Variants in PCDHGB5 observed in about 807,000 individuals in gnomAD.
The protein encoded by PCDHGB5 is protocadherin gamma-B5.
A neutral mutation model predicts 62.9 loss-of-function variants in PCDHGB5; 48 were observed. That is an observed-to-expected ratio of 0.76 (90% CI 0.61 to 0.97). The LOEUF (loss-of-function observed/expected upper bound fraction) is 0.97. Among genes scored for constraint, PCDHGB5 ranks in the 50% least tolerant of loss-of-function variants. PCDHGB5 has a pLI of 0.00. For missense variants in PCDHGB5, 1,118 were observed against 1,198.6 expected (o/e 0.93, Z 0.99); for synonymous variants, 474 against 511.2 (o/e 0.93, Z 0.98).
At chr5:141,427,276 T>G (rs1281222927) in intron 1 of PCDHGB5, 1 of 456,754 alleles carries the variant, frequency 2.2e-6, no homozygotes, top group Non-Finnish European at 4.4e-6. Context: ...GAATGTAAAA[T>G]TATACTAGAA....
Position 141,423,752 on chromosome 5 carries a change from G to A in PCDHGB5, c.2397+23228G>A, listed in dbSNP as rs749899386. 4.7e-6 allele frequency: 3 copies of A among 644,956 alleles called. 1 individual carries two copies. The highest frequency in any genetic ancestry group is 1.1e-4 in the South Asian group (2 of 17,914). 40.0% of individuals were successfully genotyped at this position (644,956 alleles called of 1,614,324 possible). ...TTGAGCCTGTTATGAAAACTGTTTGGGGGGGGGGTGGGGCGGCATATATTT... is the reference window on the plus strand; with the variant it reads ...TTGAGCCTGTTATGAAAACTGTTTGAGGGGGGGGTGGGGCGGCATATATTT... On this transcript the variant is annotated intron_variant, in intron 1 of 3. Transcript: ENST00000617380.
At chr5:141,497,478 C>A (rs974494984) in intron 2 of PCDHGB5, among the ~76,000 whole-genome samples, 1 of 150,954 alleles carries the variant, frequency 6.6e-6, no homozygotes, top group African/African-American at 2.4e-5. Flanking sequence ...GGAGAAGGTG[C>A]GGAACCTCTC....
intron 1 of PCDHGB5, among the ~76,000 whole-genome samples, chr5:141,446,664 G>A (rs116573282): frequency 0.012 from 1,821 of 152,192 alleles, 38 homozygotes; most frequent in African/African-American, 0.042. Context: ...TTTAGTACAA[G>A]ACAGCATTTC....
chr5:141,464,572 A>G (rs912710973), intron 1 of PCDHGB5, among the ~76,000 whole-genome samples: 5 of 152,148 alleles, frequency 3.3e-5, no homozygotes, highest in African/African-American at 1.2e-4. Flanking sequence ...CTACAAATAG[A>G]TGAGAATGTC....
At chr5:141,411,341 G>A (rs903980826) in intron 1 of PCDHGB5, 4 of 152,064 alleles carry the variant, frequency 2.6e-5, no homozygotes, top group Admixed American at 6.5e-5. Context: ...AGGCTGAATC[G>A]GAAAGTATCA....
rs1193620622 is a variant in PCDHGB5, at chr5:141,512,906, G to A, written c.*1733G>A. On this transcript the variant is annotated 3_prime_UTR_variant, in exon 4 of 4. Coordinates refer to ENST00000617380, the MANE Select transcript of PCDHGB5 (RefSeq NM_018925.3). ...CACCCTCTTCCTGTGTCTCACGCAA[G>A]TTTTATACTCTAATATTTATATGGC... 2.0e-5 allele frequency: 3 copies of A among 152,206 alleles called. No homozygotes were observed. Among genetic ancestry groups the A allele is most frequent in the African/African-American group, 7.2e-5 (3 of 41,438 alleles). The allele number at this position is 152,206 out of a possible 1,614,324, so 9.4% of individuals were successfully genotyped here.
intron 1 of PCDHGB5, chr5:141,422,547 G>C: frequency 1.9e-6 from 3 of 1,613,938 alleles, no homozygotes; most frequent in Non-Finnish European, 2.5e-6. Context: ...CTCATGTCTG[G>C]CTGAATGTGG....
At chr5:141,458,870 C>G (rs540373442) in intron 1 of PCDHGB5, among the ~76,000 whole-genome samples, 1 of 152,264 alleles carries the variant, frequency 6.6e-6, no homozygotes, top group South Asian at 2.1e-4. Flanking sequence ...GTAGCTGGGA[C>G]TACAGGCATG....
rs143737031 is a variant in PCDHGB5 at position 141,454,359 on chromosome 5, G to C, written c.2398-40448G>C. Among the ~76,000 whole-genome samples, 105 of 152,200 alleles carry C rather than the reference G, an allele frequency of 6.9e-4. No individual in the cohort carries two copies. In the East Asian group the frequency reaches 0.014, roughly 20 times the overall value. ...AATGTTGGAAGTTGATCCAAACTTA[G>C]AAAGGAGTATGGCAACTTGTCAAGA... On this transcript the variant is annotated intron_variant, in intron 1 of 3. Coordinates refer to ENST00000617380, the MANE Select transcript of PCDHGB5 (RefSeq NM_018925.3).
chr5:141,407,971 G>A, intron 1 of PCDHGB5: 2 of 717,762 alleles, frequency 2.8e-6, no homozygotes, highest in South Asian at 2.3e-5. Flanking sequence ...AAGCGCTGAC[G>A]CCGGGGATCC....
chr5:141,501,182 C>A (rs531641143), intron 2 of PCDHGB5, among the ~76,000 whole-genome samples: 1 of 152,126 alleles, frequency 6.6e-6, no homozygotes, highest in Non-Finnish European at 1.5e-5. Context: ...TACATTTTAA[C>A]ACAATTAAAT....
intron 1 of PCDHGB5, among the ~76,000 whole-genome samples, chr5:141,469,909 C>G (rs760329158): frequency 2.0e-5 from 3 of 152,120 alleles, no homozygotes; most frequent in Non-Finnish European, 2.9e-5. Context: ...GGCAGGCAGA[C>G]CACCCGAGGT....
At chr5:141,421,651 A>C in intron 1 of PCDHGB5, 1 of 1,613,868 alleles carries the variant, frequency 6.2e-7, no homozygotes, top group Non-Finnish European at 8.5e-7. Flanking sequence ...AGTGGAGATA[A>C]AAGTCAGTGA....
chr5:141,491,964 C>T lies in PCDHGB5; in HGVS notation c.2398-2843C>T, dbSNP rs1382490003. 2.1e-6 allele frequency: 2 copies of T among 943,836 alleles called. No individual in the cohort carries two copies. The highest frequency in any genetic ancestry group is 3.0e-6 in the Non-Finnish European group (2 of 671,104). 58.5% of individuals were successfully genotyped at this position (943,836 alleles called of 1,614,324 possible). On this transcript the variant is annotated intron_variant, in intron 1 of 3. Transcript: ENST00000617380. The surrounding 1 kb of genome is among the most constrained non-coding windows in gnomAD (Gnocchi z 6.9). ...CCCCACCCCTACACTCAAAAAAGGC[C>T]GGGGCCTCCTTCGAGCTTCCGGTGA...
Position 141,491,900 on chromosome 5 carries a change from G to C in PCDHGB5, c.2398-2907G>C. ...TAAGGGATGGGGCTCCGAGCACCGG[G>C]GGTGGTGGCGACTGTGGGCGAGGGG... On this transcript the variant is annotated intron_variant, in intron 1 of 3. Transcript: ENST00000617380. This position sits in a 1 kb window ranked among gnomAD's most constrained non-coding sequence, Gnocchi z 6.9. 1 of 1,429,936 alleles carries C rather than the reference G, an allele frequency of 7.0e-7. No homozygotes were observed. Among genetic ancestry groups the C allele is most frequent in the South Asian group, 1.5e-5 (1 of 67,072 alleles). 88.6% of individuals were successfully genotyped at this position (1,429,936 alleles called of 1,614,324 possible). A position where few individuals can be genotyped will look rare whatever the true frequency, so the allele number is the denominator to read the frequency against.
At chr5:141,419,554 T>C (rs775925543) in intron 1 of PCDHGB5, 1 of 1,612,006 alleles carries the variant, frequency 6.2e-7, no homozygotes, top group Non-Finnish European at 8.5e-7. Flanking sequence ...TGCTGTACCC[T>C]GCGCTGGGTC....
rs946434728 is a variant in PCDHGB5, at chr5:141,428,357, C to A, written c.2397+27833C>A. On this transcript the variant is annotated intron_variant, in intron 1 of 3. Coordinates refer to ENST00000617380, the MANE Select transcript of PCDHGB5 (RefSeq NM_018925.3). ...CTCTTCTTCCTCGCAGTGATTTTGG[C>A]GGTCGCCTTGCACCTGCGATGCTCT... is the stretch of plus-strand genomic sequence containing the variant. The A allele has an allele frequency of 1.2e-5, 7 of 565,506 alleles. No individual in the cohort carries two copies. The East Asian group carries it at 2.0e-4, about 16-fold the overall frequency. The allele number at this position is 565,506 out of a possible 1,614,324, so 35.0% of individuals were successfully genotyped here.
At position 141,491,919 on chromosome 5, in the gene PCDHGB5, C is replaced by A. The variant is rs1177043977; in HGVS notation, c.2398-2888C>A. 1.5e-6 allele frequency: 2 copies of A among 1,361,778 alleles called. No homozygotes were observed. Among genetic ancestry groups the A allele is most frequent in the South Asian group, 1.6e-5 (1 of 64,218 alleles). 84.4% of individuals were successfully genotyped at this position (1,361,778 alleles called of 1,614,324 possible). A position where few individuals can be genotyped will look rare whatever the true frequency, so the allele number is the denominator to read the frequency against. On this transcript the variant is annotated intron_variant, in intron 1 of 3. Coordinates refer to ENST00000617380, the MANE Select transcript of PCDHGB5 (RefSeq NM_018925.3). The surrounding 1 kb of genome is among the most constrained non-coding windows in gnomAD (Gnocchi z 6.9). ...CACCGGGGGTGGTGGCGACTGTGGGCGAGGGGAGGTGGGACCGACCCCCAC... is the reference window on the plus strand; with the variant it reads ...CACCGGGGGTGGTGGCGACTGTGGGAGAGGGGAGGTGGGACCGACCCCCAC...
chr5:141,465,611 C>T (rs1393170181), intron 1 of PCDHGB5, among the ~76,000 whole-genome samples: 1 of 152,178 alleles, frequency 6.6e-6, no homozygotes, highest in African/African-American at 2.4e-5. Context: ...CTCTTTGGCC[C>T]TCCAGGAAGT....
Sources: gnomAD v4.1 joint callset for allele counts (sites outside exome capture counted in the v4.1 genomes callset) on GRCh38, gnomAD v4.1.1 for gene constraint, Gnocchi (gnomAD v3.1) non-coding constraint, MANE v1.5 for transcripts, NCBI Gene and HGNC (gene_info 2026-07-23, HGNC 2026-07-21) for gene names.